Variants in TTLL3 observed in about 807,000 individuals in gnomAD.
TTLL3 encodes tubulin monoglycylase TTLL3.
A neutral mutation model predicts 75.2 loss-of-function variants in TTLL3; 63 were observed. The observed-to-expected ratio is 0.84, with a 90% CI of 0.68 to 1.03. The LOEUF (loss-of-function observed/expected upper bound fraction) is 1.03, where lower values mean the gene tolerates loss of function less well. Among genes scored for constraint, TTLL3 ranks in the 50% least tolerant of loss-of-function variants. The pLI is 0.00. For missense variants in TTLL3, 997 were observed against 1,069.9 expected (o/e 0.93, Z 0.95); for synonymous variants, 393 against 418.5 (o/e 0.94, Z 0.74).
At chr3:9,815,941 TG>T in intron 4 of TTLL3, 132 bp from the exon 5 acceptor site, 1 of 858,034 alleles carries the variant, frequency 1.2e-6, no homozygotes, top group Non-Finnish European at 1.6e-6. Context: ...AGATGATGTG[TG>T]GGCTAGAGGC....
chr3:9,828,790 ATG>A, intron 10 of TTLL3, 168 bp from the exon 11 acceptor site: 1 of 837,836 alleles, frequency 1.2e-6, no homozygotes, highest in Admixed American at 2.9e-5. Flanking sequence ...CCCTAGAAGA[ATG>A]TGGTGGGGCC....
At position 9,810,839 on chromosome 3, in the gene TTLL3, A is replaced by T; in HGVS notation, c.48+130A>T. Reference sequence around the variant, plus strand: ...ACAATAGCAAAAATCCTCAACCACCACACCCATCTTCAACTACCTCCCCGT... The same window carrying T: ...ACAATAGCAAAAATCCTCAACCACCTCACCCATCTTCAACTACCTCCCCGT... On this transcript the variant is annotated intron_variant, in intron 2 of 13. Coordinates refer to ENST00000685419, the MANE Select transcript of TTLL3 (RefSeq NM_001387446.1). The surrounding 1 kb of genome is among the most constrained non-coding windows in gnomAD (Gnocchi z 4.4). 1 of 856,500 alleles carries T rather than the reference A, an allele frequency of 1.2e-6. No individual in the cohort carries two copies. The highest frequency in any genetic ancestry group is 1.8e-6 in the Non-Finnish European group (1 of 568,452). 53.1% of individuals were successfully genotyped at this position (856,500 alleles called of 1,614,324 possible). A position where few individuals can be genotyped will look rare whatever the true frequency, so the allele number is the denominator to read the frequency against.
chr3:9,825,359 G>C (rs2080928951), intron 8 of TTLL3: 1 of 178,368 alleles, frequency 5.6e-6, no homozygotes, highest in Admixed American at 5.6e-5. Context: ...AAAAAAGTCG[G>C]GGGGTAGGGG....
chr3:9,817,727 T>A lies in TTLL3; in HGVS notation c.527T>A (p.Leu176Gln). 6.2e-7 allele frequency: 1 copy of A among 1,614,156 alleles called. No individual in the cohort carries two copies. Among genetic ancestry groups the A allele is most frequent in the Middle Eastern group, 1.7e-4 (1 of 6,056 alleles). Residue 176 changes from leucine to glutamine, a missense_variant, in exon 6 of 14, where the codon CTG becomes CAG. Transcript: ENST00000685419. ...TCCTTCTTCCCACGCTGCTACTGCC[T>A]GGGGGCTGAGGATGACAAAAAAGCC... ...ANSFFPRCYC[L>Q]GAEDDKKAFI...
intron 8 of TTLL3, chr3:9,825,392 T>C (rs542570097): frequency 4.3e-6 from 1 of 233,094 alleles, no homozygotes; most frequent in Non-Finnish European, 8.8e-6. Context: ...AATACTTCCC[T>C]GGCAGGGCCT....
intron 4 of TTLL3, 34 bp from the exon 5 acceptor site, chr3:9,816,040 G>A: frequency 7.5e-7 from 1 of 1,337,758 alleles, no homozygotes; most frequent in Non-Finnish European, 1.0e-6. Flanking sequence ...ACCCACACTG[G>A]CCTCTGTGTT....
chr3:9,829,312 C>T lies in TTLL3; in HGVS notation c.1600C>T (p.Gln534Ter). ...CACTGCCCGGCTCTGTGCTGGCGTG[C>T]AAGCTGACACCCTGCGCGTGGTCAT... The part of the protein sequence containing the change: ...AVTARLCAGV[Q>*]ADTLRVVIDR... The change falls in exon 11 of 14, where the codon CAA becomes TAA. Residue 534 changes from glutamine (Q) to a stop codon, truncating the protein, a stop_gained. Transcript: ENST00000685419. LOFTEE classifies it high-confidence loss of function. 1 of 1,613,812 alleles carries T rather than the reference C, an allele frequency of 6.2e-7. No homozygotes were observed. Among genetic ancestry groups the T allele is most frequent in the African/African-American group, 1.3e-5 (1 of 75,058 alleles).
rs2079519095 is a variant in TTLL3, at chr3:9,813,290, T to A, written c.260T>A (p.Phe87Tyr). The A allele has an allele frequency of 6.2e-7, 1 of 1,614,118 alleles. No individual in the cohort carries two copies. The highest frequency in any genetic ancestry group is 8.5e-7 in the Non-Finnish European group (1 of 1,180,060). Reference protein sequence around the residue: ...EDEEFQPSQLFDFDDLLKFDD... With the variant: ...EDEEFQPSQLYDFDDLLKFDD... The stretch of plus-strand genomic sequence containing the variant: ...GAGGAGTTCCAGCCATCACAGCTGT[T>A]CGACTTCGATGATTTACTGAAATTT... The change falls in exon 4 of 14, where the codon TTC (phenylalanine) becomes TAC (tyrosine). Residue 87 changes from phenylalanine to tyrosine, a missense_variant. Physicochemically the swap from Phe to Tyr is conservative, Grantham distance 22. Transcript: ENST00000685419.
intron 4 of TTLL3, 138 bp from the exon 5 acceptor site, chr3:9,815,936 A>C: frequency 1.3e-6 from 1 of 777,006 alleles, no homozygotes; most frequent in African/African-American, 1.8e-5. Flanking sequence ...CACAAAGATG[A>C]TGTGTGGGCT....
Position 9,835,833 on chromosome 3 carries a change from C to T in TTLL3, c.*344C>T, listed in dbSNP as rs1417364917. 1 of 258,638 alleles carries T rather than the reference C, an allele frequency of 3.9e-6. No homozygotes were observed. The highest frequency in any genetic ancestry group is 8.4e-5 in the East Asian group (1 of 11,896). 16.0% of individuals were successfully genotyped at this position (258,638 alleles called of 1,614,324 possible). A position where few individuals can be genotyped will look rare whatever the true frequency, so the allele number is the denominator to read the frequency against. ...TGGCCTTGCCTAAACCTCAGCCCTTCTGCAGAGGGCATGGGTCTATCCCTT... is the reference window on the plus strand; with the variant it reads ...TGGCCTTGCCTAAACCTCAGCCCTTTTGCAGAGGGCATGGGTCTATCCCTT... On this transcript the variant is annotated 3_prime_UTR_variant, in exon 14 of 14. Transcript: ENST00000685419.
At chr3:9,819,118 C>G (rs1245836593) in intron 7 of TTLL3, 198 bp downstream of exon 7, 1 of 671,984 alleles carries the variant, frequency 1.5e-6, no homozygotes, top group Non-Finnish European at 2.5e-6. Flanking sequence ...TATTCACCCA[C>G]TCTCTGATCT....
chr3:9,815,891 C>T (rs1468762042), intron 4 of TTLL3, among the ~76,000 whole-genome samples, 183 bp from the exon 5 acceptor site: 2 of 152,228 alleles, frequency 1.3e-5, no homozygotes, highest in East Asian at 1.9e-4. Flanking sequence ...CTCTGCCCAC[C>T]TGTGCCCTGG....
At chr3:9,820,354 G>A in intron 7 of TTLL3, 192 bp from the exon 8 acceptor site, 1 of 1,443,258 alleles carries the variant, frequency 6.9e-7, no homozygotes, top group Non-Finnish European at 9.1e-7. Flanking sequence ...GGGAGCCAAG[G>A]GCAAGTGCTA....
chr3:9,835,590 G>A lies in TTLL3; in HGVS notation c.*101G>A. The A allele has an allele frequency of 8.2e-7, 1 of 1,213,230 alleles. No homozygotes were observed. The highest frequency in any genetic ancestry group is 1.1e-6 in the Non-Finnish European group (1 of 877,672). 75.2% of individuals were successfully genotyped at this position (1,213,230 alleles called of 1,614,324 possible). ...GACTCCCCCAGCATCTCCGATCCAG[G>A]GGTGGGGAGCGTGAGCCTTCACTTT... On this transcript the variant is annotated 3_prime_UTR_variant, in exon 14 of 14. Transcript: ENST00000685419.
At position 9,835,235 on chromosome 3, in the gene TTLL3, G is replaced by A. The variant is rs1057278; in HGVS notation, c.2194G>A (p.Ala732Thr). Residue 732 changes from alanine (A) to threonine (T), a missense_variant, in exon 14 of 14, where the codon GCT (alanine) becomes ACT (threonine). Transcript: ENST00000685419. Reference protein sequence around the residue: ...NSRPDCDKPRAEACPMKRLSP... With the variant: ...NSRPDCDKPRTEACPMKRLSP... ...AAGGCCAGACTGTGACAAACCCAGG[G>A]CTGAGGCCTGCCCCATGAAGAGGCT... 255,732 of 1,614,020 alleles carry A rather than the reference G, an allele frequency of 0.16. 21,904 individuals are homozygous for A. The highest frequency in any genetic ancestry group is 0.25 in the African/African-American group (18,786 of 74,964).
At chr3:9,823,443 C>A (rs1308119325) in intron 8 of TTLL3, among the ~76,000 whole-genome samples, 1 of 136,526 alleles carries the variant, frequency 7.3e-6, no homozygotes, top group African/African-American at 2.7e-5. Context: ...ATTTTAAGAA[C>A]TAAGCCAGCC....
At chr3:9,819,653 T>C (rs777577760) in intron 7 of TTLL3, 6 of 985,532 alleles carry the variant, frequency 6.1e-6, no homozygotes, top group Non-Finnish European at 7.2e-6. Flanking sequence ...TGCCTGCCCT[T>C]TCCCTTCTGG....
upstream of TTLL3, chr3:9,810,073 G>A: frequency 2.2e-6 from 3 of 1,374,930 alleles, no homozygotes; most frequent in East Asian, 3.1e-5. This position sits in a 1 kb window ranked among gnomAD's most constrained non-coding sequence, Gnocchi z 4.4. Context: ...CCGGGGCTCG[G>A]CCTCCTGGTA....
chr3:9,820,958 G>A, intron 8 of TTLL3: 2 of 636,418 alleles, frequency 3.1e-6, no homozygotes, highest in Non-Finnish European at 5.1e-6. Context: ...CATGGACTGT[G>A]CCACCAAATG....
Sources: allele counts gnomAD v4.1 joint callset (sites outside exome capture counted in the v4.1 genomes callset), GRCh38; gene constraint gnomAD v4.1.1; non-coding constraint Gnocchi (gnomAD v3.1); transcripts MANE v1.5; gene names NCBI Gene and HGNC (gene_info 2026-07-23, HGNC 2026-07-21).